RELL1: variants seen among roughly 807,000 people sequenced by gnomAD.
RELL1 encodes RELT-like protein 1.
RELL1 carries 10 observed loss-of-function variants against 23.0 expected under a neutral mutation model. That is an observed-to-expected ratio of 0.43 (90% confidence interval 0.27 to 0.74). The LOEUF (loss-of-function observed/expected upper bound fraction) is 0.74. Ranked by LOEUF, RELL1 falls within the 30% of genes least tolerant of loss-of-function variation. The pLI, the probability that RELL1 is intolerant of heterozygous loss-of-function variation, is 0.19. For missense variants in RELL1, 315 were observed against 364.4 expected, an observed-to-expected ratio of 0.86 and a Z score of 1.10; for synonymous variants, 146 against 146.8, an observed-to-expected ratio of 0.99 and a Z score of 0.04.
intron 6 of RELL1, among the ~76,000 whole-genome samples, chr4:37,601,038 C>G (rs1288404180): frequency 6.6e-6 from 1 of 152,162 alleles, no homozygotes; most frequent in Non-Finnish European, 1.5e-5. Flanking sequence ...CCTGAACAAA[C>G]AGAGGAAGAG....
intron 6 of RELL1, among the ~76,000 whole-genome samples, chr4:37,619,678 C>A (rs764499697): frequency 1.2e-4 from 19 of 152,192 alleles, no homozygotes; most frequent in Non-Finnish European, 2.5e-4. Context: ...AGAAATCCTT[C>A]CACCTCAGCC....
At chr4:37,641,029 T>A (rs1426535339) in intron 3 of RELL1, among the ~76,000 whole-genome samples, 1 of 152,196 alleles carries the variant, frequency 6.6e-6, no homozygotes, top group South Asian at 2.1e-4. Flanking sequence ...GATGACCACC[T>A]ATAAAATGAA....
At chr4:37,662,056 T>G (rs1030363668) in intron 1 of RELL1, among the ~76,000 whole-genome samples, 7 of 152,154 alleles carry the variant, frequency 4.6e-5, no homozygotes, top group African/African-American at 1.7e-4. Flanking sequence ...ACTTTTATTT[T>G]GTTAAAATTC....
At chr4:37,599,818 A>T (rs936114609) in intron 6 of RELL1, among the ~76,000 whole-genome samples, 2 of 152,176 alleles carry the variant, frequency 1.3e-5, no homozygotes, top group Admixed American at 6.5e-5. Context: ...ATATGTCCCC[A>T]CCCATGAACC....
At chr4:37,599,422 A>C (rs1372517886) in intron 6 of RELL1, among the ~76,000 whole-genome samples, 2 of 152,148 alleles carry the variant, frequency 1.3e-5, no homozygotes, top group Non-Finnish European at 2.9e-5. Context: ...GTCATGGGAC[A>C]GGGTGATGAA....
chr4:37,605,943 GA>G (rs1215081380), downstream of RELL1, among the ~76,000 whole-genome samples: 1 of 143,066 alleles, frequency 7.0e-6, no homozygotes, highest in African/African-American at 2.6e-5. Context: ...GAGAAGGAGA[GA>G]AAGAGGAAGG....
chr4:37,603,247 G>T (rs1719064133), intron 6 of RELL1, among the ~76,000 whole-genome samples: 1 of 152,166 alleles, frequency 6.6e-6, no homozygotes, highest in South Asian at 2.1e-4. Context: ...CAGCTGAACC[G>T]CGTGGGCAGC....
chr4:37,597,964 T>C (rs566850245), intron 6 of RELL1, among the ~76,000 whole-genome samples: 55 of 151,468 alleles, frequency 3.6e-4, no homozygotes, highest in African/African-American at 1.3e-3. Context: ...GGCAGGAGAA[T>C]TGCTTGAACC....
intron 6 of RELL1, among the ~76,000 whole-genome samples, chr4:37,601,290 A>G (rs1046920495): frequency 1.3e-5 from 2 of 152,166 alleles, no homozygotes; most frequent in African/African-American, 4.8e-5. Flanking sequence ...TTATTCCACT[A>G]CAGAGGGTTG....
chr4:37,679,877 G>C (rs1427021748), intron 1 of RELL1, among the ~76,000 whole-genome samples: 1 of 151,224 alleles, frequency 6.6e-6, no homozygotes, highest in African/African-American at 2.4e-5. Context: ...TCTTGAACCC[G>C]GGAGGCGGAG....
At chr4:37,590,417 G>T, downstream of RELL1, 2 of 1,613,316 alleles carry the variant, frequency 1.2e-6, no homozygotes, top group South Asian at 1.1e-5. Context: ...GATGACAGGG[G>T]CTCCTGGGCC....
At chr4:37,685,810 C>A (rs1722384427) in intron 1 of RELL1, among the ~76,000 whole-genome samples, 1 of 152,254 alleles carries the variant, frequency 6.6e-6, no homozygotes, top group South Asian at 2.1e-4. Flanking sequence ...CTCTGTGTCA[C>A]GATCTTCCGC....
intron 5 of RELL1, among the ~76,000 whole-genome samples, chr4:37,632,084 G>GAAAAAAA (rs1183120605): frequency 1.8e-4 from 8 of 44,460 alleles, no homozygotes; most frequent in East Asian, 1.9e-3. Flanking sequence ...TCTCAATAAG[G>GAAAAAAA]AAAAAAAAAA....
intron 6 of RELL1, among the ~76,000 whole-genome samples, chr4:37,630,130 C>T (rs1267460178): frequency 6.6e-6 from 1 of 152,004 alleles, no homozygotes; most frequent in Non-Finnish European, 1.5e-5. Context: ...GCCCGCCCTC[C>T]CTTCCCTATG....
intron 3 of RELL1, among the ~76,000 whole-genome samples, chr4:37,643,998 G>A (rs548153541): frequency 1.5e-4 from 23 of 152,166 alleles, no homozygotes; most frequent in Non-Finnish European, 1.3e-4. Flanking sequence ...CACAGATGAA[G>A]GCATGGACAG....
intron 5 of RELL1, among the ~76,000 whole-genome samples, chr4:37,634,618 G>A (rs770126347): frequency 3.3e-5 from 5 of 152,220 alleles, no homozygotes; most frequent in Non-Finnish European, 5.9e-5. Context: ...TGTCTATTCT[G>A]TATACAGTTG....
At chr4:37,598,716 G>T (rs553284731) in intron 6 of RELL1, among the ~76,000 whole-genome samples, 4 of 151,462 alleles carry the variant, frequency 2.6e-5, no homozygotes, top group Non-Finnish European at 2.9e-5. Context: ...ATGGAGTCTC[G>T]CTCTGTCACC....
intron 4 of RELL1, 116 bp downstream of exon 4, chr4:37,638,331 A>G (rs1182935898): frequency 3.8e-6 from 3 of 779,406 alleles, no homozygotes; most frequent in Non-Finnish European, 6.6e-6. Flanking sequence ...GTCCCAAAAT[A>G]ACTATAGTGT....
At chr4:37,608,880 C>T (rs912728362), downstream of RELL1, among the ~76,000 whole-genome samples, 5 of 152,182 alleles carry the variant, frequency 3.3e-5, no homozygotes, top group African/African-American at 1.2e-4. Context: ...ATCAGCCCGC[C>T]TCAGCCTCCC....
Sources: allele counts gnomAD v4.1 joint callset (sites outside exome capture counted in the v4.1 genomes callset), GRCh38; gene constraint gnomAD v4.1.1; transcripts MANE v1.5; gene names NCBI Gene and HGNC (gene_info 2026-07-23, HGNC 2026-07-21).